The following ENOX1 variants were observed in gnomAD, a reference collection of about 807,000 sequenced individuals.
ENOX1 encodes candidate growth-related and time keeping constitutive hydroquinone (NADH) oxidase.
Under a neutral mutation model 82.5 loss-of-function variants are expected in ENOX1, and 42 were observed. That is an observed-to-expected ratio of 0.51 (90% CI 0.40 to 0.66). ENOX1 has a LOEUF of 0.66. Ranked by LOEUF, ENOX1 falls within the 30% of genes least tolerant of loss-of-function variation. The pLI is 0.00. For missense variants in ENOX1, 608 were observed against 811.6 expected (o/e 0.75, Z 3.05); for synonymous variants, 271 against 282.2 (o/e 0.96, Z 0.40).
At chr13:43,690,503 T>C (rs2153803297) in intron 1 of ENOX1, among the ~76,000 whole-genome samples, 1 of 152,288 alleles carries the variant, frequency 6.6e-6, no homozygotes, top group East Asian at 1.9e-4. Flanking sequence ...GCACAAATCA[T>C]ATGCATTTTA....
chr13:43,656,804 AT>A (rs34734305), intron 2 of ENOX1, among the ~76,000 whole-genome samples: 45,925 of 151,528 alleles, frequency 0.3, 7,664 homozygotes, highest in Non-Finnish European at 0.39. Flanking sequence ...GCGCCTTTCT[AT>A]TTTTTTTCAG....
chr13:43,295,616 C>T (rs899619717), intron 12 of ENOX1, among the ~76,000 whole-genome samples: 1 of 152,104 alleles, frequency 6.6e-6, no homozygotes, highest in Non-Finnish European at 1.5e-5. Context: ...GAAATAATTT[C>T]CCAAACATAG....
At chr13:43,569,315 A>G (rs555191743) in intron 2 of ENOX1, among the ~76,000 whole-genome samples, 1 of 152,288 alleles carries the variant, frequency 6.6e-6, no homozygotes, top group Non-Finnish European at 1.5e-5. Flanking sequence ...GCAGACAGAT[A>G]GATAGATAAA....
At chr13:43,576,240 C>G (rs918295930) in intron 2 of ENOX1, among the ~76,000 whole-genome samples, 1 of 152,148 alleles carries the variant, frequency 6.6e-6, no homozygotes, top group South Asian at 2.1e-4. Context: ...GGGTTTCAAA[C>G]TGGGAGGGGA....
chr13:43,356,076 C>T lies in ENOX1; in HGVS notation c.666G>A (p.Arg222=), dbSNP rs763088572. 23 of 1,614,098 alleles carry T rather than the reference C, an allele frequency of 1.4e-5. No individual in the cohort carries two copies. In the Middle Eastern group the frequency reaches 4.9e-4, roughly 35 times the overall value. ...TGCATTCCCACTCATAGAAGTCATC[C>T]CTGGCCTGGGCAAAGTCCACATGAA... ...GRLHVDFAQA[R]DDFYEWECKQ... The change falls in exon 8 of 17, where the codon AGG becomes AGA. Residue 222 remains arginine, a synonymous_variant. Transcript: ENST00000690772.
intron 12 of ENOX1, among the ~76,000 whole-genome samples, chr13:43,291,303 C>T (rs769664124): frequency 2.4e-4 from 36 of 152,324 alleles, no homozygotes; most frequent in African/African-American, 7.7e-4. Flanking sequence ...GGGGCTTAGG[C>T]GTGCCCTGCT....
intron 3 of ENOX1, among the ~76,000 whole-genome samples, chr13:43,475,512 A>G (rs2058240913): frequency 6.6e-6 from 1 of 152,210 alleles, no homozygotes; most frequent in Non-Finnish European, 1.5e-5. Context: ...AACTTTCAGA[A>G]AAGACCAGAG....
intron 1 of ENOX1, among the ~76,000 whole-genome samples, chr13:43,696,099 T>C (rs574042776): frequency 6.6e-6 from 1 of 152,348 alleles, no homozygotes; most frequent in African/African-American, 2.4e-5. Flanking sequence ...AAAGTTCATC[T>C]ATGTTGCAAC....
At chr13:43,342,685 T>C (rs2049139563) in intron 9 of ENOX1, among the ~76,000 whole-genome samples, 1 of 152,214 alleles carries the variant, frequency 6.6e-6, no homozygotes, top group African/African-American at 2.4e-5. Flanking sequence ...GGGCCTTCAG[T>C]GCTGCCTGAG....
chr13:43,268,045 A>C (rs2044483810), intron 13 of ENOX1, among the ~76,000 whole-genome samples: 2 of 152,168 alleles, frequency 1.3e-5, no homozygotes, highest in Admixed American at 1.3e-4. Flanking sequence ...AAGATATATC[A>C]ATACTTTCAG....
chr13:43,311,226 G>A (rs1435197353), intron 11 of ENOX1, among the ~76,000 whole-genome samples: 1 of 151,950 alleles, frequency 6.6e-6, no homozygotes, highest in Non-Finnish European at 1.5e-5. Context: ...AGGCACAGGA[G>A]TGCTAGAGAA....
chr13:43,500,020 T>A (rs1454515323), intron 2 of ENOX1, among the ~76,000 whole-genome samples: 1 of 151,944 alleles, frequency 6.6e-6, no homozygotes, highest in Non-Finnish European at 1.5e-5. Context: ...TCATTTCGAA[T>A]TATTAAAGAA....
intron 11 of ENOX1, among the ~76,000 whole-genome samples, chr13:43,320,482 G>A (rs1489380395): frequency 1.3e-5 from 2 of 152,046 alleles, no homozygotes; most frequent in Admixed American, 6.5e-5. Context: ...TCACATCTCC[G>A]TCGATGCTTC....
chr13:43,603,834 G>A lies in ENOX1; in HGVS notation c.-219+63645C>T, dbSNP rs1173487785. Among the ~76,000 whole-genome samples, 98 of 109,358 alleles carry A rather than the reference G, an allele frequency of 9.0e-4. 6 individuals are homozygous for A. The highest frequency in any genetic ancestry group is 8.3e-3 in the Admixed American group (79 of 9,480). The allele number at this position is 109,358 out of a possible 152,430, so 71.7% of individuals were successfully genotyped here. A position where few individuals can be genotyped will look rare whatever the true frequency, so the allele number is the denominator to read the frequency against. On this transcript the variant is annotated intron_variant, in intron 2 of 16. Coordinates refer to ENST00000690772, the MANE Select transcript of ENOX1 (RefSeq NM_001347969.2). Reference sequence around the variant, plus strand: ...CCAAGTCTTTGCTATTGTGAATAATGCTGCAATAAACATTCGTGTGCATGT... The same window carrying A: ...CCAAGTCTTTGCTATTGTGAATAATACTGCAATAAACATTCGTGTGCATGT...
chr13:43,673,814 T>C (rs2085378206), intron 1 of ENOX1, among the ~76,000 whole-genome samples: 1 of 152,238 alleles, frequency 6.6e-6, no homozygotes, highest in South Asian at 2.1e-4. Context: ...TAATTTGCTT[T>C]TTATGTTATA....
intron 1 of ENOX1, among the ~76,000 whole-genome samples, chr13:43,733,588 A>C (rs2089459606): frequency 6.6e-6 from 1 of 152,172 alleles, no homozygotes; most frequent in Non-Finnish European, 1.5e-5. Flanking sequence ...AAGCCTTCTC[A>C]TCTTGCCTTG....
chr13:43,284,185 G>A (rs780858961), intron 12 of ENOX1, among the ~76,000 whole-genome samples: 1 of 152,050 alleles, frequency 6.6e-6, no homozygotes, highest in Non-Finnish European at 1.5e-5. Flanking sequence ...CAATGTTATG[G>A]ACTTCACAGT....
chr13:43,384,363 T>C (rs1344596353), intron 5 of ENOX1, among the ~76,000 whole-genome samples: 1 of 152,140 alleles, frequency 6.6e-6, no homozygotes, highest in East Asian at 1.9e-4. Context: ...GAGAGAACCA[T>C]ACAAGACCAG....
chr13:43,478,352 C>T (rs994237582), intron 3 of ENOX1, among the ~76,000 whole-genome samples: 4 of 151,930 alleles, frequency 2.6e-5, no homozygotes, highest in Admixed American at 6.6e-5. Flanking sequence ...AACGTGTTCT[C>T]ATAAAGCTAA....
Sources: gnomAD v4.1 joint callset for allele counts (sites outside exome capture counted in the v4.1 genomes callset) on GRCh38, gnomAD v4.1.1 for gene constraint, MANE v1.5 for transcripts, NCBI Gene and HGNC (gene_info 2026-07-23, HGNC 2026-07-21) for gene names.